LMF1: variants seen among roughly 807,000 people sequenced by gnomAD.
LMF1 encodes lipase maturation factor 1, also known as transmembrane protein 112.
Under a neutral mutation model 60.6 loss-of-function variants are expected in LMF1, and 68 were observed. That is an observed-to-expected ratio of 1.12 (90% CI 0.92 to 1.37). The LOEUF (loss-of-function observed/expected upper bound fraction) is 1.37. LMF1 is among the 40% of genes most tolerant of loss of function. LMF1 has a pLI of 0.00. For synonymous variants in LMF1, 418 were observed against 324.7 expected, an observed-to-expected ratio of 1.29 and a Z score of -3.09; for missense variants, 948 against 767.2, an observed-to-expected ratio of 1.24 and a Z score of -2.78.
intron 3 of LMF1, among the ~76,000 whole-genome samples, chr16:915,909 G>T (rs1216582763): frequency 3.9e-5 from 6 of 152,064 alleles, no homozygotes; most frequent in Non-Finnish European, 8.8e-5. Context: ...GGGCAGGTGA[G>T]ACTCAGCAGC....
chr16:915,237 G>A (rs2071248213), intron 3 of LMF1, among the ~76,000 whole-genome samples: 1 of 152,194 alleles, frequency 6.6e-6, no homozygotes, highest in South Asian at 2.1e-4. Context: ...GTGCATAGGT[G>A]TGAGGCATGG....
intron 4 of LMF1, 156 bp from the exon 5 acceptor site, chr16:893,228 A>G: frequency 1.4e-6 from 1 of 708,414 alleles, no homozygotes; most frequent in Non-Finnish European, 2.6e-6. Context: ...TGAAACACTC[A>G]GGAAGGCAGA....
At chr16:906,631 T>A (rs966386942) in intron 4 of LMF1, among the ~76,000 whole-genome samples, 2 of 152,174 alleles carry the variant, frequency 1.3e-5, no homozygotes, top group African/African-American at 4.8e-5. Flanking sequence ...CCTTTATATA[T>A]ATATTTCTCC....
intron 7 of LMF1, 24 bp downstream of exon 7, chr16:871,137 G>A (rs1330160652): frequency 1.3e-6 from 2 of 1,544,570 alleles, no homozygotes; most frequent in East Asian, 2.3e-5. Flanking sequence ...CCCTTGGGCA[G>A]GGGCCCCCAG....
intron 5 of LMF1, among the ~76,000 whole-genome samples, chr16:885,586 G>C (rs958739183): frequency 6.6e-6 from 1 of 152,198 alleles, no homozygotes; most frequent in African/African-American, 2.4e-5. Context: ...GGCTGGACTG[G>C]CCACCGTCAC....
At chr16:944,050 G>A (rs8043632) in intron 2 of LMF1, among the ~76,000 whole-genome samples, 72,283 of 152,044 alleles carry the variant, frequency 0.48, 18,842 homozygotes, top group African/African-American at 0.69. Context: ...CAAAAGCTCA[G>A]TTAGGGTCAG....
chr16:864,450 T>C (rs1404588294), intron 10 of LMF1, among the ~76,000 whole-genome samples: 7 of 152,302 alleles, frequency 4.6e-5, no homozygotes, highest in Admixed American at 1.3e-4. Context: ...GTAAATGACA[T>C]ATTCAACACT....
In LMF1 at chr16:921,714, G is replaced by A. The variant is rs1256580868; in HGVS notation, c.515-10635C>T. Among the ~76,000 whole-genome samples, 7 of 152,284 alleles carry A rather than the reference G, an allele frequency of 4.6e-5. 2 individuals are homozygous for A. In the South Asian group the frequency reaches 1.4e-3, roughly 32 times the overall value. On this transcript the variant is annotated intron_variant, in intron 3 of 10. Coordinates refer to ENST00000262301, the MANE Select transcript of LMF1 (RefSeq NM_022773.4). The stretch of plus-strand genomic sequence containing the variant: ...GCATTGACACCAGCCCCACCCTGAT[G>A]TGCGCTGAAGCACCGACGCAGGGAC...
intron 5 of LMF1, among the ~76,000 whole-genome samples, chr16:891,679 G>T (rs2070493517): frequency 6.6e-6 from 1 of 152,054 alleles, no homozygotes; most frequent in Non-Finnish European, 1.5e-5. Context: ...GGAGACACAG[G>T]CCCCCCTGCC....
upstream of LMF1, among the ~76,000 whole-genome samples, chr16:972,906 T>C (rs1315385909): frequency 6.6e-6 from 1 of 152,240 alleles, no homozygotes; most frequent in African/African-American, 2.4e-5. Flanking sequence ...CTTGAGACGC[T>C]GACCGCAGGG....
chr16:889,299 G>C (rs1049152112), intron 5 of LMF1, among the ~76,000 whole-genome samples: 15 of 152,074 alleles, frequency 9.9e-5, no homozygotes, highest in African/African-American at 1.5e-4. Flanking sequence ...GAATTTGCCG[G>C]CAACTGCCTT....
At chr16:856,458 G>T (rs2069187302) in intron 10 of LMF1, among the ~76,000 whole-genome samples, 1 of 152,218 alleles carries the variant, frequency 6.6e-6, no homozygotes, top group African/African-American at 2.4e-5. Flanking sequence ...GCAGTCCCCA[G>T]GCAGGCCCAC....
intron 10 of LMF1, among the ~76,000 whole-genome samples, chr16:857,065 T>C (rs1450023664): frequency 6.6e-6 from 1 of 152,260 alleles, no homozygotes; most frequent in East Asian, 1.9e-4. Flanking sequence ...CTCACGCCAA[T>C]TCTCAGGTTC....
At chr16:902,712 G>T (rs1174600857) in intron 4 of LMF1, 4 of 154,798 alleles carry the variant, frequency 2.6e-5, no homozygotes, top group African/African-American at 1.0e-4. Context: ...GCTGCGTGGT[G>T]GTGACCTCTG....
chr16:951,441 C>T (rs1156279707), intron 2 of LMF1, among the ~76,000 whole-genome samples: 8 of 152,204 alleles, frequency 5.3e-5, no homozygotes, highest in Admixed American at 2.0e-4. Flanking sequence ...AGGGCTCCAG[C>T]GTCCTGCAAG....
chr16:911,024 C>A lies in LMF1; in HGVS notation c.570G>T (p.Leu190=). 1 of 1,613,092 alleles carries A rather than the reference C, an allele frequency of 6.2e-7. No individual in the cohort carries two copies. ...TGFLGIFLCP[L]WTLSRLPQHT... is the part of the protein sequence containing the mutation. ...GCTGGGGCAGCCTTGACAGCGTCCA[C>A]AGAGGGCACAGGAAGATCCCCAGGA... Residue 190 remains leucine, a synonymous_variant, in exon 4 of 11, where the codon CTG becomes CTT. Transcript: ENST00000262301.
chr16:877,156 C>T (rs539949305), intron 6 of LMF1, among the ~76,000 whole-genome samples: 32 of 152,278 alleles, frequency 2.1e-4, no homozygotes, highest in African/African-American at 7.2e-4. Context: ...CATAGCGAGA[C>T]CCCCAGCTCT....
At chr16:910,828 G>T in intron 4 of LMF1, 103 bp downstream of exon 4, 1 of 1,457,806 alleles carries the variant, frequency 6.9e-7, no homozygotes, top group African/African-American at 1.4e-5. Flanking sequence ...GAGGACAGAG[G>T]GCGGCGGGGG....
chr16:913,629 G>A (rs1241715168), intron 3 of LMF1, among the ~76,000 whole-genome samples: 1 of 152,260 alleles, frequency 6.6e-6, no homozygotes, highest in Non-Finnish European at 1.5e-5. Context: ...CAGCCAGGCT[G>A]GTGCCCAAGG....
Sources: allele counts gnomAD v4.1 joint callset (sites outside exome capture counted in the v4.1 genomes callset), GRCh38; gene constraint gnomAD v4.1.1; transcripts MANE v1.5; gene names NCBI Gene and HGNC (gene_info 2026-07-23, HGNC 2026-07-21).